SSRP1: variants seen among roughly 807,000 people sequenced by gnomAD.
The protein encoded by SSRP1 is structure specific recognition protein 1, also known as FACT complex subunit SSRP1.
SSRP1 carries 21 observed loss-of-function variants against 84.4 expected under a neutral mutation model. That is an observed-to-expected ratio of 0.25 (90% CI 0.18 to 0.36). The LOEUF is 0.36. SSRP1 is among the 10% of genes least tolerant of loss of function. The pLI is 1.00. For missense variants in SSRP1, 519 were observed against 900.8 expected (o/e 0.58, Z 5.43); for synonymous variants, 319 against 318.3 (o/e 1.00, Z -0.02).
At position 57,330,158 on chromosome 11, in the gene SSRP1, G is replaced by C; in HGVS notation, c.1436-20C>G. 6.2e-7 allele frequency: 1 copy of C among 1,614,172 alleles called. No homozygotes were observed. Among genetic ancestry groups the C allele is most frequent in the South Asian group, 1.1e-5 (1 of 91,082 alleles). On this transcript the variant is annotated intron_variant, in intron 11 of 16. Coordinates refer to ENST00000278412, the MANE Select transcript of SSRP1 (RefSeq NM_003146.3). The surrounding 1 kb of genome is among the most constrained non-coding windows in gnomAD (Gnocchi z 4.0). ...ACTCATCTGAAAAAGGGCACAGGAT[G>C]CATCAGCTTCTGCCCCAATGGAAAT...
chr11:57,330,391 A>G lies in SSRP1; in HGVS notation c.1335T>C (p.Asp445=). Reference sequence around the variant, plus strand: ...CCAAGTAGGCATCATGCTGGTCCTCATCAGAGTCAGCATATTCATCGTAGC... The same window carrying G: ...CCAAGTAGGCATCATGCTGGTCCTCGTCAGAGTCAGCATATTCATCGTAGC... The part of the protein sequence containing the change: ...NPSYDEYADS[D]EDQHDAYLER... Residue 445 remains aspartate, a synonymous_variant, in exon 11 of 17, where the codon GAT becomes GAC. Transcript: ENST00000278412. The surrounding 1 kb of genome is among the most constrained non-coding windows in gnomAD (Gnocchi z 4.0). 2 of 1,614,050 alleles carry G rather than the reference A, an allele frequency of 1.2e-6. No homozygotes were observed. Among genetic ancestry groups the G allele is most frequent in the East Asian group, 2.2e-5 (1 of 44,874 alleles).
At chr11:57,334,907 A>G (rs762644550) in intron 2 of SSRP1, among the ~76,000 whole-genome samples, 161 bp downstream of exon 2, 1 of 152,252 alleles carries the variant, frequency 6.6e-6, no homozygotes, top group Admixed American at 6.5e-5. Flanking sequence ...CTCTGAGACT[A>G]TCTCTCAGTA....
Position 57,335,296 on chromosome 11 carries a change from G to C in SSRP1, c.-119-56C>G. ...AAAGACAGCACCTCGCTGTGCTCAC[G>C]GATGGAGCCAGGTAGCAACTCCCAG... On this transcript the variant is annotated intron_variant, in intron 1 of 16. Coordinates refer to ENST00000278412, the MANE Select transcript of SSRP1 (RefSeq NM_003146.3). This position sits in a 1 kb window ranked among gnomAD's most constrained non-coding sequence, Gnocchi z 4.6. The C allele has an allele frequency of 3.0e-6, 2 of 668,458 alleles. No homozygotes were observed. The highest frequency in any genetic ancestry group is 3.2e-5 in the South Asian group (2 of 63,080). 41.4% of individuals were successfully genotyped at this position (668,458 alleles called of 1,614,324 possible). A position where few individuals can be genotyped will look rare whatever the true frequency, so the allele number is the denominator to read the frequency against.
intron 15 of SSRP1, 92 bp downstream of exon 15, chr11:57,327,334 G>A: frequency 1.5e-6 from 2 of 1,315,386 alleles, no homozygotes; most frequent in Non-Finnish European, 2.2e-6. Context: ...CATCTCTGCT[G>A]TCTTTAACTT....
chr11:57,327,019 C>T, intron 15 of SSRP1, 130 bp from the exon 16 acceptor site: 1 of 1,430,456 alleles, frequency 7.0e-7, no homozygotes, highest in South Asian at 1.5e-5. Context: ...ACGTAAATAG[C>T]TGCGTCAGCC....
At chr11:57,331,529 G>T in intron 9 of SSRP1, 139 bp downstream of exon 9, 1 of 652,966 alleles carries the variant, frequency 1.5e-6, no homozygotes, top group South Asian at 1.9e-5. Flanking sequence ...GAGCACTCCA[G>T]GGAAAAGGAC....
At chr11:57,334,938 C>A in intron 2 of SSRP1, 130 bp downstream of exon 2, 4 of 1,072,080 alleles carry the variant, frequency 3.7e-6, no homozygotes, top group Non-Finnish European at 5.7e-6. Context: ...TTGGTGGAGA[C>A]ACTAGGTACA....
Position 57,327,873 on chromosome 11 carries a change from C to G in SSRP1, c.1621G>C (p.Gly541Arg), listed in dbSNP as rs1341783150. Residue 541 changes from glycine to arginine, a missense_variant, in exon 14 of 17, where the codon GGC becomes CGC. Transcript: ENST00000278412. The part of the protein sequence containing the change: ...SRKKPVEVKK[G>R]KDPNAPKRPM... ...CTCTTGGGGGCATTGGGGTCTTTGCCCTTCTTCACCTACATAAGAACCCAA... is the reference window on the plus strand; with the variant it reads ...CTCTTGGGGGCATTGGGGTCTTTGCGCTTCTTCACCTACATAAGAACCCAA... 6.2e-7 allele frequency: 1 copy of G among 1,613,610 alleles called. No individual in the cohort carries two copies. The highest frequency in any genetic ancestry group is 2.2e-5 in the East Asian group (1 of 44,878).
intron 3 of SSRP1, among the ~76,000 whole-genome samples, chr11:57,334,039 G>A (rs1051464673): frequency 6.6e-6 from 1 of 152,204 alleles, no homozygotes; most frequent in South Asian, 2.1e-4. Flanking sequence ...TGTGGTACCA[G>A]ATACTCAGGA....
At chr11:57,333,254 C>A in intron 4 of SSRP1, 105 bp from the exon 5 acceptor site, 2 of 1,325,266 alleles carry the variant, frequency 1.5e-6, no homozygotes, top group Non-Finnish European at 2.1e-6. Context: ...TGCGGTTAGT[C>A]TGTTTAGACT....
chr11:57,335,117 G>A lies in SSRP1; in HGVS notation c.5C>T (p.Ala2Val), dbSNP rs1318345420. The change falls in exon 2 of 17, where the codon GCA (alanine) becomes GTA (valine). Residue 2 changes from alanine to valine, a missense_variant. By Grantham distance (64) the Ala-to-Val change is moderately conservative. Around this residue, in one of 7 missense-constraint regions of SSRP1, gnomAD observed 88 missense variants for 122.0 expected, o/e 0.72. Transcript: ENST00000278412. The surrounding 1 kb of genome is among the most constrained non-coding windows in gnomAD (Gnocchi z 4.6). ...GACGTCGTTGAACTCCAGTGTCTCT[G>A]CCATGTCGACCCCTGCCTGTGGTGG... M[A>V]ETLEFNDVYQ... The A allele has an allele frequency of 2.5e-6, 4 of 1,613,920 alleles. No individual in the cohort carries two copies. In the African/African-American group the frequency reaches 5.3e-5, roughly 22 times the overall value.
At chr11:57,327,998 C>G (rs1426907472) in intron 13 of SSRP1, 116 bp from the exon 14 acceptor site, 5 of 1,300,016 alleles carry the variant, frequency 3.8e-6, no homozygotes, top group Non-Finnish European at 5.3e-6. Flanking sequence ...TAGCATCAGG[C>G]GAGACGAGAG....
Position 57,327,499 on chromosome 11 carries a change from C to T in SSRP1, c.1798G>A (p.Ala600Thr). The T allele has an allele frequency of 6.2e-7, 1 of 1,614,134 alleles. No individual in the cohort carries two copies. The highest frequency in any genetic ancestry group is 8.5e-7 in the Non-Finnish European group (1 of 1,180,034). The change falls in exon 15 of 17, where the codon GCT becomes ACT. Residue 600 changes from alanine to threonine, a missense_variant. Coordinates refer to ENST00000278412, the MANE Select transcript of SSRP1 (RefSeq NM_003146.3). Reference sequence around the variant, plus strand: ...TCATAGTCCCTCCTGGCATCCTCAGCCTTGCGATCCCACTCCTGTCTCACA... The same window carrying T: ...TCATAGTCCCTCCTGGCATCCTCAGTCTTGCGATCCCACTCCTGTCTCACA... ...KEKKEEWDRK[A>T]EDARRDYEKA...
At chr11:57,328,246 C>T (rs547522059) in intron 13 of SSRP1, 51 bp downstream of exon 13, 144 of 1,595,166 alleles carry the variant, frequency 9.0e-5, no homozygotes, top group Admixed American at 8.3e-4. Context: ...ATGCCTCCCA[C>T]GCCCCCCACC....
At chr11:57,333,254 CTGTT>C in intron 4 of SSRP1, 105 bp from the exon 5 acceptor site, 1 of 1,325,262 alleles carries the variant, frequency 7.5e-7, no homozygotes, top group Non-Finnish European at 1.0e-6. Flanking sequence ...TGCGGTTAGT[CTGTT>C]TAGACTATAA....
rs760532239 is a variant in SSRP1, at chr11:57,327,488, G to A, written c.1809C>T (p.Ala603=). 8.7e-6 allele frequency: 14 copies of A among 1,613,652 alleles called. No homozygotes were observed. The highest frequency in any genetic ancestry group is 1.6e-4 in the Middle Eastern group (1 of 6,084). The part of the protein sequence containing the change: ...KEEWDRKAED[A]RRDYEKAMKE... The stretch of plus-strand genomic sequence containing the variant: ...TCATGGCTTTTTCATAGTCCCTCCT[G>A]GCATCCTCAGCCTTGCGATCCCACT... Residue 603 remains alanine, a synonymous_variant, in exon 15 of 17, where the codon GCC becomes GCT. Transcript: ENST00000278412.
chr11:57,331,834 A>T lies in SSRP1; in HGVS notation c.1057T>A (p.Tyr353Asn). The change falls in exon 9 of 17, where the codon TAC (tyrosine) becomes AAC (asparagine). Residue 353 changes from tyrosine to asparagine, a missense_variant. Coordinates refer to ENST00000278412, the MANE Select transcript of SSRP1 (RefSeq NM_003146.3). Reference sequence around the variant, plus strand: ...TAGATGAAGCCCCGCTCCAGCGGGTAGAGCAGTCCTGAGCTTGCCTTGTAG... The same window carrying T: ...TAGATGAAGCCCCGCTCCAGCGGGTTGAGCAGTCCTGAGCTTGCCTTGTAG... ...CSYKASSGLLYPLERGFIYVH... is the reference protein window; with the variant it reads ...CSYKASSGLLNPLERGFIYVH... 6.2e-7 allele frequency: 1 copy of T among 1,614,170 alleles called. No individual in the cohort carries two copies.
chr11:57,327,380 A>AC (rs369270512), intron 15 of SSRP1, 46 bp downstream of exon 15: 1 of 1,558,036 alleles, frequency 6.4e-7, no homozygotes, highest in African/African-American at 1.4e-5. Context: ...AAAAAAAAAA[A>AC]GTCTGCCACA....
At position 57,326,366 on chromosome 11, in the gene SSRP1, G is replaced by A. The variant is rs1164863322; in HGVS notation, c.*41C>T. ...ACCAAAATATGGGTGGGGAGTCGGG[G>A]GGTGTGAGAAGGCAAGCGCAAAGAG... is the stretch of plus-strand genomic sequence containing the variant. On this transcript the variant is annotated 3_prime_UTR_variant, in exon 17 of 17. Coordinates refer to ENST00000278412, the MANE Select transcript of SSRP1 (RefSeq NM_003146.3). The A allele has an allele frequency of 3.1e-6, 5 of 1,591,516 alleles. No homozygotes were observed. The highest frequency in any genetic ancestry group is 4.3e-6 in the Non-Finnish European group (5 of 1,160,200).
Sources: gnomAD v4.1 joint callset for allele counts (sites outside exome capture counted in the v4.1 genomes callset) on GRCh38, gnomAD v4.1.1 for gene constraint, gnomAD v4.1.1 regional missense constraint, Gnocchi (gnomAD v3.1) non-coding constraint, MANE v1.5 for transcripts, NCBI Gene and HGNC (gene_info 2026-07-23, HGNC 2026-07-21) for gene names.